MLLT10: variants seen among roughly 807,000 people sequenced by gnomAD.
MLLT10 encodes the protein MLLT10 histone lysine methyltransferase DOT1L cofactor, also known as protein AF-10.
A neutral mutation model predicts 129.1 loss-of-function variants in MLLT10; 30 were observed. The observed-to-expected ratio is 0.23, with a 90% CI of 0.17 to 0.32. The LOEUF is 0.32. Among genes scored for constraint, MLLT10 ranks in the 10% least tolerant of loss-of-function variants. The pLI is 1.00. For missense variants in MLLT10, 1,119 were observed against 1,268.3 expected (o/e 0.88, Z 1.79); for synonymous variants, 490 against 446.4 (o/e 1.10, Z -1.23).
intron 9 of MLLT10, chr10:21,668,870 T>G: frequency 8.9e-7 from 1 of 1,129,488 alleles, no homozygotes; most frequent in Non-Finnish European, 1.1e-6. Flanking sequence ...AATACATGAG[T>G]GAAGAACACC....
chr10:21,573,180 C>T (rs1231635079), intron 3 of MLLT10, among the ~76,000 whole-genome samples: 1 of 152,060 alleles, frequency 6.6e-6, no homozygotes, highest in African/African-American at 2.4e-5. Context: ...TATTCTCTTC[C>T]CTTACAGAAT....
At chr10:21,683,599 G>T (rs1335124923) in intron 13 of MLLT10, among the ~76,000 whole-genome samples, 2 of 152,196 alleles carry the variant, frequency 1.3e-5, no homozygotes, top group Non-Finnish European at 2.9e-5. Flanking sequence ...ACAAGTGTAA[G>T]ATTGACACCT....
chr10:21,636,430 C>T (rs1469928042), intron 8 of MLLT10, among the ~76,000 whole-genome samples: 1 of 152,086 alleles, frequency 6.6e-6, no homozygotes, highest in African/African-American at 2.4e-5. Context: ...GCGACCGGCC[C>T]ATGATTTTTT....
At chr10:21,706,372 G>A (rs2055497857) in intron 13 of MLLT10, among the ~76,000 whole-genome samples, 1 of 152,158 alleles carries the variant, frequency 6.6e-6, no homozygotes, top group Admixed American at 6.5e-5. Flanking sequence ...GTTAATCCTT[G>A]CCCCAGCCCT....
chr10:21,585,185 A>G lies in MLLT10; in HGVS notation c.241-1109A>G, dbSNP rs1460907526. Reference sequence around the variant, plus strand: ...GCGATCTACCTACCTCAGCCTCCCAAAGTGCTGGGATTACAGGTGTGATCC... The same window carrying G: ...GCGATCTACCTACCTCAGCCTCCCAGAGTGCTGGGATTACAGGTGTGATCC... On this transcript the variant is annotated intron_variant, in intron 3 of 22. Transcript: ENST00000307729. 3.3e-5 allele frequency among the ~76,000 whole-genome samples: 5 copies of G among 151,950 alleles called. No homozygotes were observed. The East Asian group carries it at 9.7e-4, about 29-fold the overall frequency.
chr10:21,683,637 T>C (rs1241487373), intron 13 of MLLT10, among the ~76,000 whole-genome samples: 10 of 152,210 alleles, frequency 6.6e-5, no homozygotes, highest in African/African-American at 2.2e-4. Context: ...CTGTGGGTGA[T>C]TGAGGGAGAG....
intron 2 of MLLT10, among the ~76,000 whole-genome samples, chr10:21,537,309 T>C (rs754611674): frequency 2.1e-4 from 32 of 152,254 alleles, no homozygotes; most frequent in Non-Finnish European, 3.5e-4. Flanking sequence ...TCTTTATATA[T>C]TTTTTTGAGG....
chr10:21,556,778 C>A, intron 3 of MLLT10: 1 of 1,597,546 alleles, frequency 6.3e-7, no homozygotes, highest in Non-Finnish European at 8.5e-7. Flanking sequence ...TGCTCTGATG[C>A]ATTGCTTTTG....
chr10:21,701,951 A>G (rs1469179679), intron 13 of MLLT10, among the ~76,000 whole-genome samples: 1 of 149,272 alleles, frequency 6.7e-6, no homozygotes, highest in East Asian at 2.0e-4. Context: ...TTTTTGAGAC[A>G]GATACTCACT....
intron 9 of MLLT10, among the ~76,000 whole-genome samples, chr10:21,654,777 G>C (rs1409622354): frequency 1.3e-5 from 2 of 152,120 alleles, no homozygotes; most frequent in African/African-American, 4.8e-5. Context: ...ATGCCAGGGG[G>C]GTTATAATGA....
At chr10:21,710,125 G>A (rs1309201007) in intron 13 of MLLT10, among the ~76,000 whole-genome samples, 1 of 152,108 alleles carries the variant, frequency 6.6e-6, no homozygotes, top group African/African-American at 2.4e-5. Flanking sequence ...ATTTTTGTTT[G>A]TTTACCCTTT....
At chr10:21,709,764 A>C (rs2055893506) in intron 13 of MLLT10, among the ~76,000 whole-genome samples, 1 of 151,258 alleles carries the variant, frequency 6.6e-6, no homozygotes, top group Admixed American at 6.6e-5. Context: ...TCTTTTTTGG[A>C]GACGGTCTTG....
At chr10:21,543,766 A>G (rs572049231) in intron 3 of MLLT10, among the ~76,000 whole-genome samples, 58 of 152,318 alleles carry the variant, frequency 3.8e-4, no homozygotes, top group Non-Finnish European at 7.3e-4. Context: ...ATTGTGAGCC[A>G]CTATGCCCGG....
At chr10:21,584,700 A>G (rs1467979160) in intron 3 of MLLT10, among the ~76,000 whole-genome samples, 1 of 151,698 alleles carries the variant, frequency 6.6e-6, no homozygotes, top group Non-Finnish European at 1.5e-5. Flanking sequence ...TGTAATTTAT[A>G]TATGTATGTA....
chr10:21,694,792 T>C (rs1164789731), intron 13 of MLLT10, among the ~76,000 whole-genome samples: 1 of 152,206 alleles, frequency 6.6e-6, no homozygotes, highest in African/African-American at 2.4e-5. Context: ...TATCATATTT[T>C]ACCAGTAGAA....
chr10:21,652,763 T>G (rs2049170285), intron 9 of MLLT10, among the ~76,000 whole-genome samples: 1 of 152,166 alleles, frequency 6.6e-6, no homozygotes, highest in Non-Finnish European at 1.5e-5. Flanking sequence ...TCTGGCTGCT[T>G]TGTTTTGGAC....
chr10:21,591,476 C>G (rs149186670), intron 4 of MLLT10, among the ~76,000 whole-genome samples: 1 of 152,050 alleles, frequency 6.6e-6, no homozygotes, highest in Non-Finnish European at 1.5e-5. Flanking sequence ...TTGATTTTCC[C>G]TCTTATTTCT....
At chr10:21,616,671 T>C (rs1028594238) in intron 7 of MLLT10, among the ~76,000 whole-genome samples, 5 of 152,100 alleles carry the variant, frequency 3.3e-5, no homozygotes, top group African/African-American at 1.2e-4. Flanking sequence ...TAGAAAACTG[T>C]ATACCTTAAT....
At chr10:21,640,100 A>G (rs1390012869) in intron 8 of MLLT10, among the ~76,000 whole-genome samples, 1 of 150,534 alleles carries the variant, frequency 6.6e-6, no homozygotes, top group Non-Finnish European at 1.5e-5. Context: ...TACTTAAAAA[A>G]TGGCAAGGAC....
Sources: gnomAD v4.1 joint callset for allele counts (sites outside exome capture counted in the v4.1 genomes callset) on GRCh38, gnomAD v4.1.1 for gene constraint, MANE v1.5 for transcripts, NCBI Gene and HGNC (gene_info 2026-07-23, HGNC 2026-07-21) for gene names.